Variants in AGAP2 observed in about 807,000 individuals in gnomAD.
AGAP2 encodes the protein ArfGAP with GTPase domain, ankyrin repeat and PH domain 2, also known as arf-GAP with GTPase, ANK repeat and PH domain-containing protein 2.
AGAP2 carries 32 observed loss-of-function variants against 110.9 expected under a neutral mutation model. That is an observed-to-expected ratio of 0.29 (90% CI 0.22 to 0.39). The LOEUF is 0.39. Ranked by LOEUF, AGAP2 falls within the 10% of genes least tolerant of loss-of-function variation. The pLI is 1.00. For missense variants in AGAP2, 1,285 were observed against 1,638.5 expected, an observed-to-expected ratio of 0.78 and a Z score of 3.72; for synonymous variants, 702 against 713.0, an observed-to-expected ratio of 0.98 and a Z score of 0.25.
At position 57,729,731 on chromosome 12, in the gene AGAP2, C is replaced by A. The variant is rs778311520; in HGVS notation, c.2465G>T (p.Arg822Leu). The A allele has an allele frequency of 3.1e-6, 5 of 1,613,580 alleles. No individual in the cohort carries two copies. Among genetic ancestry groups the A allele is most frequent in the Non-Finnish European group, 3.4e-6 (4 of 1,179,746 alleles). ...TPSGDLSPLS[R>L]EPPPSPMVKK... ...CACCATGGGAGAAGGAGGGGGTTCC[C>A]GACTCAGGGGGCTCAGGTCTCCAGA... Residue 822 changes from arginine (R) to leucine (L), a missense_variant, in exon 13 of 19, where the codon CGG becomes CTG. Arg to Leu is a moderately radical substitution (Grantham distance 102). This residue lies in a region of AGAP2 where 135 missense variants were observed against 182.0 expected (regional missense o/e 0.74). Coordinates refer to ENST00000547588, the MANE Select transcript of AGAP2 (RefSeq NM_001122772.3).
intron 13 of AGAP2, among the ~76,000 whole-genome samples, chr12:57,728,881 C>T (rs1426620951): frequency 6.6e-6 from 1 of 152,052 alleles, no homozygotes; most frequent in Non-Finnish European, 1.5e-5. Context: ...GGGAGAAGGC[C>T]GGGCACGGTG....
intron 13 of AGAP2, 22 bp from the exon 14 acceptor site, chr12:57,728,399 G>T (rs41292011): frequency 1.7e-5 from 27 of 1,612,506 alleles, no homozygotes; most frequent in African/African-American, 4.0e-5. Context: ...AAGCGAAGGA[G>T]ATAGAGATAG....
intron 7 of AGAP2, 98 bp from the exon 8 acceptor site, chr12:57,732,065 C>G: frequency 7.5e-7 from 1 of 1,336,716 alleles, no homozygotes; most frequent in African/African-American, 1.5e-5. Flanking sequence ...ATTCCTTGAT[C>G]ACCTCACCAT....
chr12:57,728,476 TG>T, intron 13 of AGAP2, 99 bp from the exon 14 acceptor site: 2 of 1,236,290 alleles, frequency 1.6e-6, no homozygotes, highest in South Asian at 2.6e-5. Flanking sequence ...GATGGAGAGA[TG>T]GAGAGAGATA....
At position 57,738,041 on chromosome 12, in the gene AGAP2, AGACGTTCGT is replaced by A; in HGVS notation, c.197_205del (p.His66_Arg68del). ...CCACAGCGCATCCTGCCGGTGGAAGAGACGTTCGTGCCGCTTCTTGCCCGGCTCCTCCGC... is the reference window on the plus strand; with the variant it reads ...CCACAGCGCATCCTGCCGGTGGAAGAGCCGCTTCTTGCCCGGCTCCTCCGC... On this transcript the variant is annotated inframe_deletion, in exon 1 of 19. Coordinates refer to ENST00000547588, the MANE Select transcript of AGAP2 (RefSeq NM_001122772.3). The surrounding 1 kb of genome is among the most constrained non-coding windows in gnomAD (Gnocchi z 6.7). 2.6e-6 allele frequency: 4 copies of A among 1,520,592 alleles called. No homozygotes were observed. Among genetic ancestry groups the A allele is most frequent in the Non-Finnish European group, 3.5e-6 (4 of 1,139,890 alleles). The allele number at this position is 1,520,592 out of a possible 1,614,324, so 94.2% of individuals were successfully genotyped here.
At chr12:57,741,351 G>C (rs1955074349), upstream of AGAP2, among the ~76,000 whole-genome samples, 1 of 152,160 alleles carries the variant, frequency 6.6e-6, no homozygotes, top group South Asian at 2.1e-4. Context: ...GAAGAGTTCT[G>C]GGGACCTATC....
rs781331029 is a variant in AGAP2 at position 57,729,721 on chromosome 12, A to G, written c.2475T>C (p.Pro825=). 1 of 1,613,758 alleles carries G rather than the reference A, an allele frequency of 6.2e-7. No homozygotes were observed. The highest frequency in any genetic ancestry group is 1.1e-5 in the South Asian group (1 of 91,062). Residue 825 remains proline (P), a synonymous_variant, in exon 13 of 19, where the codon CCT becomes CCC. Coordinates refer to ENST00000547588, the MANE Select transcript of AGAP2 (RefSeq NM_001122772.3). ...GDLSPLSREP[P]PSPMVKKQRR... is the part of the protein sequence containing the mutation. ...TCTGCTTCTTCACCATGGGAGAAGG[A>G]GGGGGTTCCCGACTCAGGGGGCTCA...
Position 57,734,362 on chromosome 12 carries a change from T to C in AGAP2, c.1358A>G (p.His453Arg). 2 of 1,614,232 alleles carry C rather than the reference T, an allele frequency of 1.2e-6. No individual in the cohort carries two copies. The highest frequency in any genetic ancestry group is 1.7e-6 in the Non-Finnish European group (2 of 1,180,036). ...KKEMLVDGQT[H>R]LVLIREEAGA... ...AGCTTCCTCTCGGATTAGCACCAGA[T>C]GTGTCTGTCCATCCACCAACATTTC... The change falls in exon 4 of 19, where the codon CAT (histidine) becomes CGT (arginine). Residue 453 changes from histidine (H) to arginine (R), a missense_variant. By Grantham distance (29) the His-to-Arg change is conservative. This residue lies in a region of AGAP2 where 844 missense variants were observed against 941.2 expected (regional missense o/e 0.90). Coordinates refer to ENST00000547588, the MANE Select transcript of AGAP2 (RefSeq NM_001122772.3).
chr12:57,734,488 T>C, intron 3 of AGAP2, 84 bp from the exon 4 acceptor site: 3 of 1,588,474 alleles, frequency 1.9e-6, no homozygotes, highest in East Asian at 2.2e-5. Context: ...TTTGCTATTA[T>C]GGCCTCATCC....
At chr12:57,740,991 G>C (rs534531039), upstream of AGAP2, among the ~76,000 whole-genome samples, 3 of 152,344 alleles carry the variant, frequency 2.0e-5, no homozygotes, top group South Asian at 2.1e-4. Context: ...AAGAGATCAG[G>C]ATATGATGGA....
intron 14 of AGAP2, 74 bp downstream of exon 14, chr12:57,728,244 T>G: frequency 1.9e-6 from 3 of 1,567,348 alleles, no homozygotes; most frequent in Non-Finnish European, 2.6e-6. Flanking sequence ...CCCGAGCACA[T>G]GCAGGGGAAG....
In AGAP2 at chr12:57,727,706, T is replaced by G. The variant is rs1359303973; in HGVS notation, c.2832A>C (p.Ser944=). The stretch of plus-strand genomic sequence containing the variant: ...TGGGGGCCCCGCAGTCCACGCAGAT[T>G]GAATTCCCCTTGGCGTTCCGGATCG... ...IQAIRNAKGN[S]ICVDCGAPNP... Residue 944 remains serine (S), a synonymous_variant, in exon 16 of 19, where the codon TCA becomes TCC. Transcript: ENST00000547588. The G allele has an allele frequency of 2.5e-6, 4 of 1,607,928 alleles. No homozygotes were observed. The highest frequency in any genetic ancestry group is 3.4e-6 in the Non-Finnish European group (4 of 1,176,798).
At chr12:57,733,093 G>T in intron 5 of AGAP2, 114 bp from the exon 6 acceptor site, 1 of 1,354,072 alleles carries the variant, frequency 7.4e-7, no homozygotes, top group Non-Finnish European at 1.0e-6. Flanking sequence ...GGGATGGGGT[G>T]TGAGAGATCA....
chr12:57,737,630 G>A lies in AGAP2; in HGVS notation c.617C>T (p.Ala206Val), dbSNP rs1290265258. The change falls in exon 1 of 19, where the codon GCG becomes GTG. Residue 206 changes from alanine to valine, a missense_variant. Physicochemically the swap from Ala to Val is moderately conservative, Grantham distance 64. Transcript: ENST00000547588. This position sits in a 1 kb window ranked among gnomAD's most constrained non-coding sequence, Gnocchi z 5.9. ...SGAKAGGGKG[A>V]GSRLSWPESE... The stretch of plus-strand genomic sequence containing the variant: ...TTCGGGCCATGACAGGCGGCTACCC[G>A]CGCCCTTGCCCCCGCCGGCTTTGGC... 3 of 1,547,174 alleles carry A rather than the reference G, an allele frequency of 1.9e-6. No individual in the cohort carries two copies. The highest frequency in any genetic ancestry group is 2.0e-5 in the Admixed American group (1 of 50,982).
chr12:57,728,063 G>C lies in AGAP2; in HGVS notation c.2640C>G (p.Ile880Met), dbSNP rs752551386. The change falls in exon 15 of 19, where the codon ATC becomes ATG. Residue 880 changes from isoleucine to methionine, a missense_variant. Transcript: ENST00000547588. The stretch of plus-strand genomic sequence containing the variant: ...GCCACGTCTGACCCGTGCTGGACAC[G>C]ATCAGGAACTCAAAGTTTTCCTCTG... ...YKAEENFEFL[I>M]VSSTGQTWHF... is the part of the protein sequence containing the mutation. 1 of 1,601,972 alleles carries C rather than the reference G, an allele frequency of 6.2e-7. No individual in the cohort carries two copies. Among genetic ancestry groups the C allele is most frequent in the Non-Finnish European group, 8.5e-7 (1 of 1,174,084 alleles).
Position 57,737,520 on chromosome 12 carries a change from CGGCGGCGGCGGT to C in AGAP2, c.715_726del (p.Thr239_Ala242del), listed in dbSNP as rs769070281. 1.4e-4 allele frequency: 227 copies of C among 1,574,726 alleles called. No homozygotes were observed. In the Admixed American group the frequency reaches 1.8e-3, roughly 12 times the overall value. On this transcript the variant is annotated inframe_deletion, in exon 1 of 19. Coordinates refer to ENST00000547588, the MANE Select transcript of AGAP2 (RefSeq NM_001122772.3). This position sits in a 1 kb window ranked among gnomAD's most constrained non-coding sequence, Gnocchi z 5.9. ...GAAGCTGTAGAGCCCCCTCCCCCGGCGGCGGCGGCGGTGGCGGCGGCAGAGACCGAAGCTCCA... is the reference window on the plus strand; with the variant it reads ...GAAGCTGTAGAGCCCCCTCCCCCGGCGGCGGCGGCAGAGACCGAAGCTCCA...
Position 57,737,267 on chromosome 12 carries a change from C to T in AGAP2, c.980G>A (p.Gly327Glu), listed in dbSNP as rs777568778. 3 of 1,613,124 alleles carry T rather than the reference C, an allele frequency of 1.9e-6. No homozygotes were observed. In the African/African-American group the frequency reaches 4.0e-5, roughly 22 times the overall value. Residue 327 changes from glycine (G) to glutamate (E), a missense_variant, in exon 1 of 19, where the codon GGG becomes GAG. Gly to Glu is a moderately conservative substitution (Grantham distance 98). Around this residue, in one of 7 missense-constraint regions of AGAP2, gnomAD observed 844 missense variants for 941.2 expected, o/e 0.90. Transcript: ENST00000547588. The surrounding 1 kb of genome is among the most constrained non-coding windows in gnomAD (Gnocchi z 5.9). ...PPITLEPPAP[G>E]LKRGREGGRA... is the part of the protein sequence containing the mutation. Reference sequence around the variant, plus strand: ...GCCCCCCTCCCGGCCCCGTTTCAGCCCCGGAGCTGGAGGCTCCAGAGTGAT... The same window carrying T: ...GCCCCCCTCCCGGCCCCGTTTCAGCTCCGGAGCTGGAGGCTCCAGAGTGAT...
At position 57,726,736 on chromosome 12, in the gene AGAP2, C is replaced by T. The variant is rs1332532058; in HGVS notation, c.3395G>A (p.Arg1132His). The T allele has an allele frequency of 1.6e-6, 2 of 1,273,476 alleles. No individual in the cohort carries two copies. The highest frequency in any genetic ancestry group is 1.6e-5 in the African/African-American group (1 of 63,590). 78.9% of individuals were successfully genotyped at this position (1,273,476 alleles called of 1,614,324 possible). A position where few individuals can be genotyped will look rare whatever the true frequency, so the allele number is the denominator to read the frequency against. Residue 1132 changes from arginine (R) to histidine (H), a missense_variant, in exon 19 of 19, where the codon CGC becomes CAC. By Grantham distance (29) the Arg-to-His change is conservative (BLOSUM62 0). Transcript: ENST00000547588. The surrounding 1 kb of genome is among the most constrained non-coding windows in gnomAD (Gnocchi z 5.7). ...GGCGCACAGCTGGCTTCCAGCCTGGCGGGCGTAGAACAGCGCCGTGCGGCC... is the reference window on the plus strand; with the variant it reads ...GGCGCACAGCTGGCTTCCAGCCTGGTGGGCGTAGAACAGCGCCGTGCGGCC... ...AQGRTALFYA[R>H]QAGSQLCADI...
chr12:57,731,242 T>C, intron 10 of AGAP2, 124 bp downstream of exon 10: 1 of 877,710 alleles, frequency 1.1e-6, no homozygotes, highest in Non-Finnish European at 1.8e-6. Context: ...ACATGCCTGC[T>C]AAACTTAAGA....
Sources: allele counts gnomAD v4.1 joint callset (sites outside exome capture counted in the v4.1 genomes callset), GRCh38; gene constraint gnomAD v4.1.1; regional missense constraint gnomAD v4.1.1; non-coding constraint Gnocchi (gnomAD v3.1); transcripts MANE v1.5; gene names NCBI Gene and HGNC (gene_info 2026-07-23, HGNC 2026-07-21).